TENM3: variants seen among roughly 807,000 people sequenced by gnomAD.
TENM3 encodes the protein teneurin-3.
TENM3 carries 63 observed loss-of-function variants against 255.1 expected under a neutral mutation model. The observed-to-expected ratio is 0.25, with a 90% confidence interval of 0.20 to 0.30. TENM3 has a LOEUF of 0.30. TENM3 is among the 10% of genes least tolerant of loss of function. The pLI is 1.00. For missense variants in TENM3, 2,929 were observed against 3,461.1 expected (o/e 0.85, Z 3.86); for synonymous variants, 1,306 against 1,322.3 (o/e 0.99, Z 0.27).
intron 3 of TENM3, among the ~76,000 whole-genome samples, chr4:182,488,515 C>T (rs1734970316): frequency 6.6e-6 from 1 of 152,192 alleles, no homozygotes; most frequent in African/African-American, 2.4e-5. Context: ...AGAGCATGGC[C>T]AAACCTGGGA....
chr4:181,872,950 TA>T, the TENM3 span, among the ~76,000 whole-genome samples: 1 of 152,220 alleles, frequency 6.6e-6, no homozygotes, highest in Non-Finnish European at 1.5e-5. Context: ...TTAATTGCCT[TA>T]TTCTCTTATT....
the TENM3 span, among the ~76,000 whole-genome samples, chr4:181,624,693 A>G: frequency 6.6e-6 from 1 of 152,194 alleles, no homozygotes; most frequent in Non-Finnish European, 1.5e-5. Flanking sequence ...CTAGCCATCT[A>G]TTGCTGCATA....
the TENM3 span, among the ~76,000 whole-genome samples, chr4:181,726,946 G>C: frequency 1.3e-5 from 2 of 152,172 alleles, no homozygotes; most frequent in African/African-American, 4.8e-5. Context: ...ACATGTACTG[G>C]TTTATTCTAA....
At position 182,796,758 on chromosome 4, in the gene TENM3, T is replaced by A; in HGVS notation, c.7335T>A (p.Asp2445Glu). Residue 2445 changes from aspartate (D) to glutamate (E), a missense_variant, in exon 27 of 28, where the codon GAT becomes GAA. By Grantham distance (45) the Asp-to-Glu change is conservative. Coordinates refer to ENST00000511685, the MANE Select transcript of TENM3 (RefSeq NM_001080477.4). Reference sequence around the variant, plus strand: ...AACTTGTGAAGAGTCAGCAGTGGGATGATATACCGGTAAGAAACAAAAAGA... The same window carrying A: ...AACTTGTGAAGAGTCAGCAGTGGGAAGATATACCGGTAAGAAACAAAAAGA... ...SYELVKSQQW[D>E]DIPPIFGVQQ... is the part of the protein sequence containing the mutation. The A allele has an allele frequency of 6.2e-7, 1 of 1,607,120 alleles. No individual in the cohort carries two copies. Among genetic ancestry groups the A allele is most frequent in the Non-Finnish European group, 8.5e-7 (1 of 1,176,456 alleles).
At position 182,775,003 on chromosome 4, in the gene TENM3, A is replaced by C. The variant is rs751669272; in HGVS notation, c.5154A>C (p.Thr1718=). ...YASGLDSHYQ[T]EPHVLAGTAN... Reference sequence around the variant, plus strand: ...GTGGCCTGGACTCACACTACCAAACAGAGCCGCACGTTCTGGCTGGCACCG... The same window carrying C: ...GTGGCCTGGACTCACACTACCAAACCGAGCCGCACGTTCTGGCTGGCACCG... The change falls in exon 24 of 28, where the codon ACA becomes ACC. Residue 1718 remains threonine (T), a synonymous_variant. Transcript: ENST00000511685. 1.2e-5 allele frequency: 19 copies of C among 1,614,026 alleles called. No homozygotes were observed.
intron 3 of TENM3, among the ~76,000 whole-genome samples, chr4:182,423,229 G>T (rs985113151): frequency 2.0e-5 from 3 of 152,084 alleles, no homozygotes; most frequent in East Asian, 1.9e-4. Context: ...TCGGAGGTCT[G>T]CTCAGGTTGT....
At chr4:181,788,650 T>C in the TENM3 span, among the ~76,000 whole-genome samples, 1 of 152,208 alleles carries the variant, frequency 6.6e-6, no homozygotes, top group Middle Eastern at 3.4e-3. Context: ...CAGGCTGGAG[T>C]GCAGTAGTAT....
chr4:181,792,613 G>A, the TENM3 span, among the ~76,000 whole-genome samples: 1 of 152,166 alleles, frequency 6.6e-6, no homozygotes, highest in Non-Finnish European at 1.5e-5. Flanking sequence ...AATTATTTAT[G>A]AGTAATCTGA....
chr4:181,666,434 C>T, the TENM3 span, among the ~76,000 whole-genome samples: 3 of 152,114 alleles, frequency 2.0e-5, no homozygotes, highest in African/African-American at 2.4e-5. Flanking sequence ...CCCATTCCTA[C>T]AATTAAGCAG....
chr4:182,447,476 G>A (rs1015644422), intron 3 of TENM3, among the ~76,000 whole-genome samples: 4 of 152,188 alleles, frequency 2.6e-5, no homozygotes, highest in Non-Finnish European at 5.9e-5. Context: ...TGTTCAAGAA[G>A]ATAAGGAAAT....
At chr4:182,209,042 C>T (rs1164945742) in intron 1 of TENM3, among the ~76,000 whole-genome samples, 1 of 151,036 alleles carries the variant, frequency 6.6e-6, no homozygotes, top group African/African-American at 2.4e-5. Flanking sequence ...AGTCTCAGCT[C>T]ACTGCAACCT....
chr4:182,704,993 A>G (rs755274050), intron 12 of TENM3, among the ~76,000 whole-genome samples: 6 of 152,196 alleles, frequency 3.9e-5, no homozygotes, highest in Non-Finnish European at 8.8e-5. Context: ...TCTTAAGAAT[A>G]TGTAATTGTT....
the TENM3 span, among the ~76,000 whole-genome samples, chr4:181,884,939 T>TTTGGAAATG: frequency 5.9e-5 from 9 of 152,272 alleles, no homozygotes; most frequent in East Asian, 1.7e-3. Context: ...TATAAAAATT[T>TTTGGAAATG]TTGGAAATGT....
the TENM3 span, among the ~76,000 whole-genome samples, chr4:182,096,695 T>C: frequency 6.6e-6 from 1 of 152,166 alleles, no homozygotes; most frequent in East Asian, 1.9e-4. Context: ...AGACCGCCTT[T>C]AGTCTTGCCA....
chr4:182,422,014 T>C (rs1401533528), intron 3 of TENM3, among the ~76,000 whole-genome samples: 1 of 152,198 alleles, frequency 6.6e-6, no homozygotes, highest in East Asian at 1.9e-4. Flanking sequence ...GAAAAAAAAC[T>C]GTTTTGAGAT....
the TENM3 span, among the ~76,000 whole-genome samples, chr4:182,022,979 C>T: frequency 1.3e-5 from 2 of 152,096 alleles, no homozygotes; most frequent in South Asian, 4.1e-4. Context: ...TAAAAGCTTG[C>T]CCTGAGCAGA....
the TENM3 span, among the ~76,000 whole-genome samples, chr4:181,603,267 A>G: frequency 6.6e-6 from 1 of 152,168 alleles, no homozygotes; most frequent in African/African-American, 2.4e-5. Context: ...GTGAATCTTG[A>G]GAGCAGAAAA....
intron 4 of TENM3, among the ~76,000 whole-genome samples, chr4:182,611,039 A>G (rs1748953204): frequency 6.6e-6 from 1 of 151,918 alleles, no homozygotes; most frequent in African/African-American, 2.4e-5. Context: ...GAGCCATCAC[A>G]TCTGGCCTTA....
chr4:182,799,197 C>T lies in TENM3; in HGVS notation c.7345-399C>T, dbSNP rs911273938. Among the ~76,000 whole-genome samples, 2 of 152,224 alleles carry T rather than the reference C, an allele frequency of 1.3e-5. No individual in the cohort carries two copies. The highest frequency in any genetic ancestry group is 2.4e-5 in the African/African-American group (1 of 41,462). Reference sequence around the variant, plus strand: ...TATCCCCAGCCGTTCAGATCCCTCTCTGTGTTTGGTGGCTTCTCAGCCTCC... The same window carrying T: ...TATCCCCAGCCGTTCAGATCCCTCTTTGTGTTTGGTGGCTTCTCAGCCTCC... On this transcript the variant is annotated intron_variant, in intron 27 of 27. Transcript: ENST00000511685. This position sits in a 1 kb window ranked among gnomAD's most constrained non-coding sequence, Gnocchi z 4.2.
Sources: allele counts gnomAD v4.1 joint callset (sites outside exome capture counted in the v4.1 genomes callset), GRCh38; gene constraint gnomAD v4.1.1; non-coding constraint Gnocchi (gnomAD v3.1); transcripts MANE v1.5; gene names NCBI Gene and HGNC (gene_info 2026-07-23, HGNC 2026-07-21).